The following SYNE1 variants were observed in gnomAD, a reference collection of about 807,000 sequenced individuals.
SYNE1 encodes the protein spectrin repeat containing nuclear envelope protein 1.
In SYNE1, 616 loss-of-function variants were observed where a neutral mutation model predicts 1,111.0. The observed-to-expected ratio is 0.55, with a 90% CI of 0.52 to 0.59. The LOEUF is 0.59. Among genes scored for constraint, SYNE1 ranks in the 20% least tolerant of loss-of-function variants. SYNE1 has a pLI of 0.00. For missense variants in SYNE1, 10,006 were observed against 10,417.0 expected, an observed-to-expected ratio of 0.96 and a Z score of 1.72; for synonymous variants, 3,855 against 3,825.8, an observed-to-expected ratio of 1.01 and a Z score of -0.28.
chr6:152,343,972 T>C, intron 74 of SYNE1, 109 bp downstream of exon 74: 2 of 1,493,446 alleles, frequency 1.3e-6, no homozygotes, highest in African/African-American at 2.8e-5. Context: ...TTCCTACTTT[T>C]AGATTCCCAG....
intron 3 of SYNE1, among the ~76,000 whole-genome samples, chr6:152,614,660 GC>G (rs1194354095): frequency 6.6e-6 from 1 of 152,120 alleles, no homozygotes; most frequent in Non-Finnish European, 1.5e-5. Context: ...TATAAATCAT[GC>G]TACTATAAGG....
intron 20 of SYNE1, 52 bp downstream of exon 20, chr6:152,462,686 C>T: frequency 1.9e-6 from 3 of 1,610,566 alleles, no homozygotes; most frequent in Non-Finnish European, 2.5e-6. Flanking sequence ...ACTTGCTGAT[C>T]TTTCCTCTCA....
At position 152,260,022 on chromosome 6, in the gene SYNE1, TCG is replaced by T. The variant is rs2091719913; in HGVS notation, c.18972+2008_18972+2009del. On this transcript the variant is annotated intron_variant, in intron 101 of 145. Transcript: ENST00000367255. Reference sequence around the variant, plus strand: ...GCACAGCATGGAGGACGCTGGAGTGTCGGCTCCAACTGAGAGCAAAAGCAGCT... The same window carrying T: ...GCACAGCATGGAGGACGCTGGAGTGTGCTCCAACTGAGAGCAAAAGCAGCT... Among the ~76,000 whole-genome samples the T allele has an allele frequency of 1.5e-4, 23 of 152,254 alleles. No homozygotes were observed. The South Asian group carries it at 4.8e-3, about 32-fold the overall frequency.
At chr6:152,398,011 A>G (rs1343389698) in intron 49 of SYNE1, among the ~76,000 whole-genome samples, 1 of 152,062 alleles carries the variant, frequency 6.6e-6, no homozygotes, top group Admixed American at 6.5e-5. Flanking sequence ...AAAAAAAAAA[A>G]AAAAGAAAAA....
chr6:152,330,185 G>A lies in SYNE1; in HGVS notation c.14500C>T (p.Arg4834Ter), dbSNP rs766129413. 10 of 1,614,040 alleles carry A rather than the reference G, an allele frequency of 6.2e-6. No homozygotes were observed. Among genetic ancestry groups the A allele is most frequent in the South Asian group, 4.4e-5 (4 of 91,080 alleles). ...AGATCTTCAAGATGTATGGTTACTC[G>A]TTTCAGTACAATCCCTGAGTCCTGG... The part of the protein sequence containing the change: ...SLQDSGIVLK[R>*]VTIHLEDLAP... The change falls in exon 78 of 146, where the codon CGA (arginine) becomes TGA (stop). Residue 4834 changes from arginine (R) to a stop codon, truncating the protein, a stop_gained. Coordinates refer to ENST00000367255, the MANE Select transcript of SYNE1 (RefSeq NM_182961.4). LOFTEE classifies it high-confidence loss of function.
rs2097614202 is a variant in SYNE1 at position 152,391,132 on chromosome 6, A to G, written c.8004+145T>C. The G allele has an allele frequency of 2.2e-5, 25 of 1,120,222 alleles. No individual in the cohort carries two copies. The South Asian group carries it at 3.1e-4, about 14-fold the overall frequency. 69.4% of individuals were successfully genotyped at this position (1,120,222 alleles called of 1,614,324 possible). ...CAAAGGGGAAAAATGATGCCTCTGT[A>G]TCCTTTTTTGCCCAATTTCTCCATT... On this transcript the variant is annotated intron_variant, in intron 52 of 145. Transcript: ENST00000367255.
rs372751329 is a variant in SYNE1 at position 152,510,410 on chromosome 6, A to G, written c.403-39T>C. 17 of 1,603,368 alleles carry G rather than the reference A, an allele frequency of 1.1e-5. No homozygotes were observed. In the African/African-American group the frequency reaches 1.7e-4, roughly 16 times the overall value. On this transcript the variant is annotated intron_variant, in intron 7 of 145. Transcript: ENST00000367255. The stretch of plus-strand genomic sequence containing the variant: ...AACAGCCAGCAAAAATATAAGCATT[A>G]TCTTTGTTATTATTTCCTCAGATGT...
In SYNE1 at chr6:152,607,574, C is replaced by T. The variant is rs111439561; in HGVS notation, c.67+20691G>A. Among the ~76,000 whole-genome samples, 162 of 152,212 alleles carry T rather than the reference C, an allele frequency of 1.1e-3. 3 individuals carry two copies. The East Asian group carries it at 0.028, about 26-fold the overall frequency. On this transcript the variant is annotated intron_variant, in intron 3 of 145. Transcript: ENST00000367255. ...TGGCAAGGCTGTGGAGAAATAGGAA[C>T]GCTTTTACACTGTTGGTGGGAGTGT... is the stretch of plus-strand genomic sequence containing the variant.
chr6:152,288,610 G>A (rs759908536), intron 95 of SYNE1, among the ~76,000 whole-genome samples: 1 of 152,084 alleles, frequency 6.6e-6, no homozygotes, highest in Non-Finnish European at 1.5e-5. Context: ...GCAGTGGCAC[G>A]ATCTCAGCTC....
Position 152,413,237 on chromosome 6 carries a change from C to T in SYNE1, c.6230+115G>A, listed in dbSNP as rs542009051. 27 of 1,167,764 alleles carry T rather than the reference C, an allele frequency of 2.3e-5. No homozygotes were observed. The East Asian group carries it at 6.4e-4, about 28-fold the overall frequency. The allele number at this position is 1,167,764 out of a possible 1,614,324, so 72.3% of individuals were successfully genotyped here. ...ATGTTATGAAAGTGACACAGAATAT[C>T]TAAAATGGTAAAAGATATTTAACTA... On this transcript the variant is annotated intron_variant, in intron 42 of 145. Coordinates refer to ENST00000367255, the MANE Select transcript of SYNE1 (RefSeq NM_182961.4).
intron 72 of SYNE1, among the ~76,000 whole-genome samples, chr6:152,349,688 G>A (rs931423206): frequency 6.6e-6 from 1 of 152,180 alleles, no homozygotes; most frequent in Non-Finnish European, 1.5e-5. Flanking sequence ...ACCTTCATAT[G>A]GTTTGGCTGT....
At chr6:152,275,472 A>G (rs1187229132) in intron 98 of SYNE1, among the ~76,000 whole-genome samples, 3 of 152,204 alleles carry the variant, frequency 2.0e-5, no homozygotes, top group Non-Finnish European at 2.9e-5. Flanking sequence ...ATATTTATCA[A>G]ATTCCTTTAC....
chr6:152,376,992 C>A, intron 56 of SYNE1, 80 bp from the exon 57 acceptor site: 1 of 1,533,548 alleles, frequency 6.5e-7, no homozygotes, highest in South Asian at 1.1e-5. Context: ...ATGCATCAAT[C>A]ATATTATAAA....
intron 27 of SYNE1, among the ~76,000 whole-genome samples, chr6:152,450,129 G>A (rs1254644854): frequency 2.6e-5 from 4 of 152,196 alleles, no homozygotes; most frequent in Admixed American, 6.5e-5. Context: ...CGCTGCTGCT[G>A]TTCTCATGAT....
chr6:152,394,466 C>T (rs7749678), intron 51 of SYNE1, among the ~76,000 whole-genome samples: 3,946 of 152,236 alleles, frequency 0.026, 186 homozygotes, highest in African/African-American at 0.09. Flanking sequence ...GGAAAGTATC[C>T]TATCTTCCAA....
rs1455783515 is a variant in SYNE1, at chr6:152,329,903, G to A, written c.14782C>T (p.Gln4928Ter). Reference protein sequence around the residue: ...QDIQEEIRKIQIHQEEVQSSL... With the variant: ...QDIQEEIRKI ...GACTGGACCTCTTCCTGATGAATTT[G>A]GATTTTTCTGATTTCCTCTTGGATG... Residue 4928 changes from glutamine (Q) to a stop codon, truncating the protein, a stop_gained, in exon 78 of 146, where the codon CAA becomes TAA. Coordinates refer to ENST00000367255, the MANE Select transcript of SYNE1 (RefSeq NM_182961.4). LOFTEE classifies it high-confidence loss of function. The A allele has an allele frequency of 6.2e-7, 1 of 1,614,114 alleles. No individual in the cohort carries two copies. The highest frequency in any genetic ancestry group is 8.5e-7 in the Non-Finnish European group (1 of 1,180,034).
rs1341230633 is a variant in SYNE1, at chr6:152,148,342, G to C, written c.24679C>G (p.Leu8227Val). ...AGAGCTGCAGAGTCTTCCAGCTCCA[G>C]CTCCCTGTCTGAGAGGTCGTGCTCA... Reference protein sequence around the residue: ...DDEHDLSDRELELEDSAALSD... With the variant: ...DDEHDLSDREVELEDSAALSD... Residue 8227 changes from leucine (L) to valine (V), a missense_variant, in exon 137 of 146, where the codon CTG (leucine) becomes GTG (valine). Coordinates refer to ENST00000367255, the MANE Select transcript of SYNE1 (RefSeq NM_182961.4). This position sits in a 1 kb window ranked among gnomAD's most constrained non-coding sequence, Gnocchi z 4.1. 1.2e-6 allele frequency: 2 copies of C among 1,614,176 alleles called. No homozygotes were observed. Among genetic ancestry groups the C allele is most frequent in the Non-Finnish European group, 1.7e-6 (2 of 1,180,022 alleles).
At position 152,321,740 on chromosome 6, in the gene SYNE1, G is replaced by A. The variant is rs2095873192; in HGVS notation, c.16064C>T (p.Ala5355Val). The part of the protein sequence containing the change: ...YLGNPTIEID[A>V]QLEELQILLT... Reference sequence around the variant, plus strand: ...TTGTACCTGAAGTTCTTCAAGTTGAGCATCTATTTCTATTGTTGGATTCCC... The same window carrying A: ...TTGTACCTGAAGTTCTTCAAGTTGAACATCTATTTCTATTGTTGGATTCCC... Residue 5355 changes from alanine to valine, a missense_variant, in exon 83 of 146, where the codon GCT becomes GTT. Ala to Val is a moderately conservative substitution (Grantham distance 64). This residue lies in a region of SYNE1 where 4,955 missense variants were observed against 5,017.2 expected (regional missense o/e 0.99). Transcript: ENST00000367255. 6.2e-7 allele frequency: 1 copy of A among 1,614,000 alleles called. No homozygotes were observed. The highest frequency in any genetic ancestry group is 8.5e-7 in the Non-Finnish European group (1 of 1,179,954).
At chr6:152,313,329 G>T (rs1158744645) in intron 87 of SYNE1, among the ~76,000 whole-genome samples, 1 of 152,108 alleles carries the variant, frequency 6.6e-6, no homozygotes, top group African/African-American at 2.4e-5. Flanking sequence ...ATTATTCTGT[G>T]ACTAAGAATG....
Sources: allele counts gnomAD v4.1 joint callset (sites outside exome capture counted in the v4.1 genomes callset), GRCh38; gene constraint gnomAD v4.1.1; regional missense constraint gnomAD v4.1.1; non-coding constraint Gnocchi (gnomAD v3.1); transcripts MANE v1.5; gene names NCBI Gene and HGNC (gene_info 2026-07-23, HGNC 2026-07-21).